The following RNF38 variants were observed in gnomAD, a reference collection of about 807,000 sequenced individuals.
RNF38 encodes E3 ubiquitin-protein ligase RNF38.
In RNF38, 15 loss-of-function variants were observed where a neutral mutation model predicts 67.2. The ratio of observed to expected loss-of-function variants is 0.22; its 90% confidence interval spans 0.15 to 0.34. The LOEUF (loss-of-function observed/expected upper bound fraction) is 0.34, where lower values mean the gene tolerates loss of function less well. Among genes scored for constraint, RNF38 ranks in the 10% least tolerant of loss-of-function variants. RNF38 has a pLI of 1.00. For synonymous variants in RNF38, 220 were observed against 218.8 expected (o/e 1.01, Z -0.05); for missense variants, 524 against 639.9 (o/e 0.82, Z 1.95).
Position 36,483,043 on chromosome 9 carries a change from G to A in RNF38, n.241+4265C>T, listed in dbSNP as rs560772960. Among the ~76,000 whole-genome samples the A allele has an allele frequency of 9.2e-5, 14 of 152,210 alleles. No homozygotes were observed. In the East Asian group the frequency reaches 2.7e-3, roughly 29 times the overall value. ...CACCCTCACTTGCCACCTGAAACAG[G>A]TATCCTTTTGCTGGGTGCAATCTCT... On this transcript the variant is annotated intron_variant and non_coding_transcript_variant, in intron 1 of 3. Transcript: ENST00000488058.
intron 1 of RNF38, among the ~76,000 whole-genome samples, chr9:36,426,370 T>A (rs966119840): frequency 1.1e-4 from 16 of 152,196 alleles, no homozygotes; most frequent in Admixed American, 4.6e-4. Flanking sequence ...CCACTCCAAC[T>A]TCTGTGTATT....
intron 1 of RNF38, among the ~76,000 whole-genome samples, chr9:36,457,494 T>C (rs1839621307): frequency 6.6e-6 from 1 of 152,232 alleles, no homozygotes; most frequent in African/African-American, 2.4e-5. Flanking sequence ...CAGACATTAA[T>C]ATTTACTTAA....
intron 1 of RNF38, among the ~76,000 whole-genome samples, chr9:36,447,150 C>A (rs1280066186): frequency 2.0e-5 from 3 of 151,218 alleles, no homozygotes; most frequent in Non-Finnish European, 2.9e-5. Context: ...AAATTTAAAT[C>A]TGATTAAGTG....
intron 3 of RNF38, among the ~76,000 whole-genome samples, chr9:36,374,409 G>A (rs1468289653): frequency 6.6e-6 from 1 of 152,224 alleles, no homozygotes; most frequent in East Asian, 1.9e-4. Flanking sequence ...TTTTTGGAGA[G>A]GGATCTTTTC....
At chr9:36,453,129 T>C (rs376617143) in intron 1 of RNF38, among the ~76,000 whole-genome samples, 1 of 152,312 alleles carries the variant, frequency 6.6e-6, no homozygotes, top group East Asian at 1.9e-4. Flanking sequence ...AGTCTGAATG[T>C]TCCAATTTCT....
At chr9:36,383,568 C>T (rs941704974) in intron 2 of RNF38, among the ~76,000 whole-genome samples, 2 of 152,130 alleles carry the variant, frequency 1.3e-5, no homozygotes, top group Non-Finnish European at 2.9e-5. Flanking sequence ...ACATAATGTA[C>T]ACAGTCTCAT....
At chr9:36,370,026 T>C (rs1835258648) in intron 3 of RNF38, 94 bp from the exon 4 acceptor site, 2 of 986,276 alleles carry the variant, frequency 2.0e-6, no homozygotes, top group Non-Finnish European at 2.9e-6. Flanking sequence ...TAGTATATGC[T>C]AAGGTAAGCT....
At chr9:36,462,072 A>G (rs2134377964) in intron 1 of RNF38, among the ~76,000 whole-genome samples, 2 of 152,348 alleles carry the variant, frequency 1.3e-5, no homozygotes, top group Middle Eastern at 6.8e-3. Context: ...ACAGAAGCCA[A>G]CAGGCTGGGA....
intron 1 of RNF38, among the ~76,000 whole-genome samples, chr9:36,480,091 G>T (rs1441521924): frequency 6.6e-6 from 1 of 152,050 alleles, no homozygotes; most frequent in Admixed American, 6.6e-5. Flanking sequence ...TGATTCTCCT[G>T]TCTCAGCCTC....
At chr9:36,397,944 T>G (rs1440766506) in intron 1 of RNF38, among the ~76,000 whole-genome samples, 1 of 152,110 alleles carries the variant, frequency 6.6e-6, no homozygotes, top group Non-Finnish European at 1.5e-5. Flanking sequence ...ATAAAAAATT[T>G]TATACACTCT....
At chr9:36,361,938 C>A (rs1834568297) in intron 4 of RNF38, among the ~76,000 whole-genome samples, 1 of 152,134 alleles carries the variant, frequency 6.6e-6, no homozygotes, top group Non-Finnish European at 1.5e-5. Context: ...TGATGCACAG[C>A]ACAAGCAATG....
At chr9:36,352,940 G>T in intron 7 of RNF38, 92 bp from the exon 8 acceptor site, 2 of 957,362 alleles carry the variant, frequency 2.1e-6, no homozygotes, top group Non-Finnish European at 3.2e-6. Flanking sequence ...GACTTAAACA[G>T]TAAAGTTCTT....
chr9:36,466,647 T>A lies in RNF38; in HGVS notation n.241+20661A>T, dbSNP rs145377172. Among the ~76,000 whole-genome samples the A allele has an allele frequency of 8.7e-3, 1,318 of 152,276 alleles. 18 individuals carry two copies. The highest frequency in any genetic ancestry group is 0.03 in the African/African-American group (1,237 of 41,548). On this transcript the variant is annotated intron_variant and non_coding_transcript_variant, in intron 1 of 3. Coordinates refer to the RNF38 transcript ENST00000488058. ...GACTTGGAAAGAGACCCAACATTAT[T>A]ATAAAGTGGGAAAAAAGCAAGTTTC...
rs147654986 is a variant in RNF38, at chr9:36,363,302, A to AT, written c.571-5361dup. The stretch of plus-strand genomic sequence containing the variant: ...AGCCACTATAAACAATCCTGTAGAA[A>AT]TTTTTTTGTGTGGACATATGCACTC... On this transcript the variant is annotated intron_variant, in intron 4 of 11. Coordinates refer to ENST00000259605, the MANE Select transcript of RNF38 (RefSeq NM_022781.5). 3.6e-3 allele frequency among the ~76,000 whole-genome samples: 358 copies of AT among 100,604 alleles called. 116 individuals carry two copies. The East Asian group carries it at 0.079, about 22-fold the overall frequency. 66.0% of individuals were successfully genotyped at this position (100,604 alleles called of 152,430 possible). A position where few individuals can be genotyped will look rare whatever the true frequency, so the allele number is the denominator to read the frequency against.
At chr9:36,345,951 A>C (rs530373563) in intron 9 of RNF38, among the ~76,000 whole-genome samples, 1 of 152,204 alleles carries the variant, frequency 6.6e-6, no homozygotes, top group African/African-American at 2.4e-5. Flanking sequence ...TACTTATACC[A>C]TAAGACCCAT....
At chr9:36,427,705 A>C (rs1462656078) in intron 1 of RNF38, among the ~76,000 whole-genome samples, 1 of 143,272 alleles carries the variant, frequency 7.0e-6, no homozygotes, top group Non-Finnish European at 1.5e-5. Context: ...CTATCTATCT[A>C]CCTACCTATC....
At chr9:36,415,863 T>A (rs1838450875) in intron 2 of RNF38, among the ~76,000 whole-genome samples, 1 of 152,134 alleles carries the variant, frequency 6.6e-6, no homozygotes, top group Non-Finnish European at 1.5e-5. Context: ...GGCAGTGGAA[T>A]TTGCTATTAT....
rs769931883 is a variant in RNF38, at chr9:36,351,176, G to A, written c.1202C>T (p.Ala401Val). The A allele has an allele frequency of 5.9e-5, 95 of 1,612,692 alleles. No individual in the cohort carries two copies. Among genetic ancestry groups the A allele is most frequent in the Non-Finnish European group, 7.8e-5 (92 of 1,179,202 alleles). Residue 401 changes from alanine (A) to valine (V), a missense_variant, in exon 9 of 12, where the codon GCA becomes GTA. Around this residue, in one of 2 missense-constraint regions of RNF38, gnomAD observed 461 missense variants for 517.4 expected, o/e 0.89. Coordinates refer to ENST00000259605, the MANE Select transcript of RNF38 (RefSeq NM_022781.5). Reference protein sequence around the residue: ...YVLSMLPVPPAVGPTFSFELD... With the variant: ...YVLSMLPVPPVVGPTFSFELD... ...TTCAAAGCTGAAAGTTGGGCCCACT[G>A]CAGGTGGCACTGGAAGCATTGATCT...
rs375631934 is a variant in RNF38 at position 36,376,912 on chromosome 9, G to GT, written c.163-786dup. ...TGGCACCCCAGCCTCGGCGACAAGA[G>GT]TGAGACTCTGTCTCAAAAAAAAAAA... On this transcript the variant is annotated intron_variant, in intron 2 of 11. Coordinates refer to ENST00000259605, the MANE Select transcript of RNF38 (RefSeq NM_022781.5). Among the ~76,000 whole-genome samples, 87 of 128,122 alleles carry GT rather than the reference G, an allele frequency of 6.8e-4. 3 individuals are homozygous for GT. The East Asian group carries it at 0.018, about 27-fold the overall frequency. 84.1% of individuals were successfully genotyped at this position (128,122 alleles called of 152,430 possible). A position where few individuals can be genotyped will look rare whatever the true frequency, so the allele number is the denominator to read the frequency against.
Sources: gnomAD v4.1 joint callset for allele counts (sites outside exome capture counted in the v4.1 genomes callset) on GRCh38, gnomAD v4.1.1 for gene constraint, gnomAD v4.1.1 regional missense constraint, MANE v1.5 for transcripts, NCBI Gene and HGNC (gene_info 2026-07-23, HGNC 2026-07-21) for gene names.